The following IMMP2L variants were observed in gnomAD, a reference collection of about 807,000 sequenced individuals.
IMMP2L encodes inner mitochondrial membrane peptidase subunit 2.
Under a neutral mutation model 19.3 loss-of-function variants are expected in IMMP2L, and 18 were observed. That is an observed-to-expected ratio of 0.93 (90% confidence interval 0.64 to 1.38). IMMP2L has a LOEUF of 1.38. Ranked by LOEUF, IMMP2L falls within the 40% of genes most tolerant of loss-of-function variation. IMMP2L has a pLI of 0.00. For synonymous variants in IMMP2L, 76 were observed against 73.0 expected (o/e 1.04, Z -0.21); for missense variants, 233 against 218.2 (o/e 1.07, Z -0.43).
chr7:111,128,344 C>T (rs183060383), intron 3 of IMMP2L, among the ~76,000 whole-genome samples: 65 of 152,210 alleles, frequency 4.3e-4, no homozygotes, highest in Admixed American at 4.3e-3. Flanking sequence ...TTGGTAAAGT[C>T]CCAGCCTTAA....
At chr7:111,168,848 T>C (rs1806121121) in intron 3 of IMMP2L, among the ~76,000 whole-genome samples, 2 of 152,008 alleles carry the variant, frequency 1.3e-5, no homozygotes, top group Admixed American at 1.3e-4. Flanking sequence ...CCAAATTAAA[T>C]TGGTATCAGT....
intron 3 of IMMP2L, among the ~76,000 whole-genome samples, chr7:111,388,720 A>G (rs781041787): frequency 6.6e-6 from 1 of 152,018 alleles, no homozygotes; most frequent in African/African-American, 2.4e-5. Context: ...TAAACACATC[A>G]GATCTCGTGA....
chr7:111,381,108 T>C (rs1831159163), intron 3 of IMMP2L, among the ~76,000 whole-genome samples: 1 of 151,998 alleles, frequency 6.6e-6, no homozygotes, highest in Admixed American at 6.6e-5. Context: ...TTGTAGCTGA[T>C]TAACCCAGCA....
chr7:111,472,061 T>C (rs1006082893), intron 3 of IMMP2L, among the ~76,000 whole-genome samples: 1 of 152,090 alleles, frequency 6.6e-6, no homozygotes. Context: ...AAATGACTTG[T>C]AAAAAAATCT....
intron 3 of IMMP2L, among the ~76,000 whole-genome samples, chr7:110,974,183 T>C (rs1820452652): frequency 6.6e-6 from 1 of 152,134 alleles, no homozygotes; most frequent in Admixed American, 6.6e-5. Context: ...TAAAAGCAAC[T>C]TCTCAGAAAC....
chr7:111,505,739 A>T (rs1844822835), intron 2 of IMMP2L, among the ~76,000 whole-genome samples: 1 of 151,276 alleles, frequency 6.6e-6, no homozygotes, highest in Non-Finnish European at 1.5e-5. Context: ...CAAACACCAC[A>T]TGTTCTCACT....
At chr7:111,184,293 C>G (rs1808034454) in intron 3 of IMMP2L, among the ~76,000 whole-genome samples, 1 of 151,794 alleles carries the variant, frequency 6.6e-6, no homozygotes, top group Non-Finnish European at 1.5e-5. Context: ...TAATCTTCAC[C>G]TTAAAATATT....
intron 1 of IMMP2L, among the ~76,000 whole-genome samples, chr7:111,546,499 C>CT (rs1339669131): frequency 6.6e-6 from 1 of 152,106 alleles, no homozygotes; most frequent in East Asian, 1.9e-4. Context: ...TGTTCGTGCT[C>CT]TTTATATATT....
intron 3 of IMMP2L, among the ~76,000 whole-genome samples, chr7:111,152,321 G>A (rs950156442): frequency 1.3e-5 from 2 of 151,912 alleles, no homozygotes; most frequent in African/African-American, 4.8e-5. Flanking sequence ...CTGCATTACC[G>A]TTATTTAAAC....
At chr7:111,102,103 G>C (rs1294945819) in intron 3 of IMMP2L, among the ~76,000 whole-genome samples, 3 of 151,028 alleles carry the variant, frequency 2.0e-5, no homozygotes, top group Non-Finnish European at 3.0e-5. Context: ...AAATGAGTCA[G>C]AATATAACAA....
At chr7:110,773,513 A>G (rs528261163) in intron 5 of IMMP2L, among the ~76,000 whole-genome samples, 5 of 152,288 alleles carry the variant, frequency 3.3e-5, no homozygotes, top group African/African-American at 1.2e-4. Flanking sequence ...AGGTGCAGGG[A>G]CAGATTAAAT....
At chr7:110,735,949 C>G (rs1252953564) in intron 5 of IMMP2L, among the ~76,000 whole-genome samples, 1 of 151,332 alleles carries the variant, frequency 6.6e-6, no homozygotes, top group Non-Finnish European at 1.5e-5. Context: ...ACTGCCAGGG[C>G]CTTGAGGGCA....
intron 3 of IMMP2L, among the ~76,000 whole-genome samples, chr7:111,397,182 CT>C (rs1832963264): frequency 2.6e-5 from 4 of 151,980 alleles, no homozygotes; most frequent in Admixed American, 6.6e-5. Context: ...TCCTCTAGTC[CT>C]TTATCTAGAC....
chr7:111,246,095 T>C lies in IMMP2L; in HGVS notation c.239+241143A>G, dbSNP rs1329970629. Among the ~76,000 whole-genome samples, 2 of 24,876 alleles carry C rather than the reference T, an allele frequency of 8.0e-5. 1 individual carries two copies. Among genetic ancestry groups the C allele is most frequent in the Admixed American group, 1.3e-3 (2 of 1,524 alleles). 16.3% of individuals were successfully genotyped at this position (24,876 alleles called of 152,430 possible). ...ATTGGAATAGTTTCAGAAGGAATGG[T>C]ACCAGTTCCTCCATGTACCTCTGGT... On this transcript the variant is annotated intron_variant, in intron 3 of 5. Transcript: ENST00000405709.
chr7:111,107,855 C>T (rs1478267742), intron 3 of IMMP2L, among the ~76,000 whole-genome samples: 1 of 152,092 alleles, frequency 6.6e-6, no homozygotes, highest in Non-Finnish European at 1.5e-5. Context: ...ATATTATAGA[C>T]TCTAGCATGC....
chr7:110,797,119 T>C (rs1429377649), intron 5 of IMMP2L, among the ~76,000 whole-genome samples: 2 of 151,952 alleles, frequency 1.3e-5, no homozygotes, highest in African/African-American at 2.4e-5. Context: ...ATTTAAAAGG[T>C]AAAGAGCAAG....
intron 5 of IMMP2L, among the ~76,000 whole-genome samples, chr7:110,749,440 G>C (rs1189684108): frequency 6.6e-6 from 1 of 152,084 alleles, no homozygotes; most frequent in Non-Finnish European, 1.5e-5. Context: ...AAAGACACAT[G>C]CAAACGTTAT....
At chr7:111,167,211 C>T (rs1264724591) in intron 3 of IMMP2L, among the ~76,000 whole-genome samples, 1 of 151,924 alleles carries the variant, frequency 6.6e-6, no homozygotes, top group Admixed American at 6.6e-5. Flanking sequence ...CTCATCAAAG[C>T]CTGTCTTTAG....
intron 5 of IMMP2L, among the ~76,000 whole-genome samples, chr7:110,730,129 AC>A (rs1452853216): frequency 6.6e-6 from 1 of 152,092 alleles, no homozygotes; most frequent in African/African-American, 2.4e-5. Context: ...TCCAGTGTCA[AC>A]TTGATTGGAT....
Sources: allele counts gnomAD v4.1 joint callset (sites outside exome capture counted in the v4.1 genomes callset), GRCh38; gene constraint gnomAD v4.1.1; transcripts MANE v1.5; gene names NCBI Gene and HGNC (gene_info 2026-07-23, HGNC 2026-07-21).